The following GLI2 variants were observed in gnomAD, a reference collection of about 807,000 sequenced individuals.
GLI2 encodes transcription activator GLI2.
Under a neutral mutation model 78.9 loss-of-function variants are expected in GLI2, and 22 were observed. The ratio of observed to expected loss-of-function variants is 0.28; its 90% CI spans 0.20 to 0.40. GLI2 has a LOEUF of 0.40. Among genes scored for constraint, GLI2 ranks in the 10% least tolerant of loss-of-function variants. GLI2 has a pLI of 1.00. For missense variants in GLI2, 2,097 were observed against 2,213.2 expected (o/e 0.95, Z 1.05); for synonymous variants, 974 against 963.7 (o/e 1.01, Z -0.20).
chr2:120,938,572 C>T (rs995570472), intron 3 of GLI2, among the ~76,000 whole-genome samples: 9 of 152,194 alleles, frequency 5.9e-5, no homozygotes, highest in Admixed American at 5.2e-4. Flanking sequence ...CAACTGAAAA[C>T]GGTGATTTCT....
intron 5 of GLI2, among the ~76,000 whole-genome samples, chr2:120,965,827 G>T (rs1681825038): frequency 6.6e-6 from 1 of 152,216 alleles, no homozygotes; most frequent in Admixed American, 6.5e-5. Flanking sequence ...TCTGTCCTCA[G>T]GCAGGTGACC....
intron 1 of GLI2, among the ~76,000 whole-genome samples, chr2:120,747,995 C>G (rs1367233082): frequency 6.6e-6 from 1 of 152,222 alleles, no homozygotes; most frequent in East Asian, 1.9e-4. Context: ...ATTAAGCTCA[C>G]GGCTGTAGGC....
chr2:120,744,590 G>T (rs1682644256), intron 1 of GLI2, among the ~76,000 whole-genome samples: 1 of 152,202 alleles, frequency 6.6e-6, no homozygotes, highest in South Asian at 2.1e-4. Flanking sequence ...CTGCTGTTCA[G>T]TGTGAATGAG....
intron 11 of GLI2, 35 bp from the exon 12 acceptor site, chr2:120,984,436 C>T (rs376606092): frequency 3.7e-6 from 6 of 1,611,358 alleles, no homozygotes; most frequent in Non-Finnish European, 5.1e-6. Flanking sequence ...ATCCTCGTAC[C>T]CCTATCCATG....
chr2:120,900,712 C>T (rs1678209944), intron 2 of GLI2, among the ~76,000 whole-genome samples: 1 of 152,174 alleles, frequency 6.6e-6, no homozygotes, highest in Non-Finnish European at 1.5e-5. Flanking sequence ...GTAAAATAGA[C>T]AAGGGATGTG....
At chr2:120,970,947 G>A (rs1044310793) in intron 7 of GLI2, among the ~76,000 whole-genome samples, 6 of 152,330 alleles carry the variant, frequency 3.9e-5, no homozygotes, top group Middle Eastern at 3.4e-3. Flanking sequence ...CAGTTTCGTT[G>A]TAGAATGTGC....
intron 2 of GLI2, among the ~76,000 whole-genome samples, chr2:120,868,272 A>G (rs1688250793): frequency 6.6e-6 from 1 of 151,372 alleles, no homozygotes. Context: ...CCGGGGGACC[A>G]TGCTGTTTTC....
At chr2:120,942,981 C>G (rs1434650598) in intron 3 of GLI2, among the ~76,000 whole-genome samples, 2 of 151,532 alleles carry the variant, frequency 1.3e-5, no homozygotes, top group Non-Finnish European at 2.9e-5. Flanking sequence ...CTCACTCACT[C>G]ATTCATTCAT....
intron 1 of GLI2, among the ~76,000 whole-genome samples, chr2:120,777,511 G>A (rs1683716970): frequency 6.6e-6 from 1 of 151,852 alleles, no homozygotes; most frequent in Non-Finnish European, 1.5e-5. Context: ...GGGGAGGAGC[G>A]CGGCAGGGAG....
intron 1 of GLI2, among the ~76,000 whole-genome samples, chr2:120,781,649 G>C (rs1267163862): frequency 2.0e-5 from 3 of 152,206 alleles, no homozygotes; most frequent in Non-Finnish European, 4.4e-5. Context: ...TTGGGAGGCC[G>C]AGGCGGGTGG....
At chr2:120,896,939 G>A (rs1450498004) in intron 2 of GLI2, among the ~76,000 whole-genome samples, 2 of 152,220 alleles carry the variant, frequency 1.3e-5, no homozygotes, top group African/African-American at 4.8e-5. Context: ...AGAAAAAAAG[G>A]GGATCATGAA....
chr2:120,773,125 A>G (rs1313284291), intron 1 of GLI2, among the ~76,000 whole-genome samples: 2 of 152,154 alleles, frequency 1.3e-5, no homozygotes, highest in Admixed American at 1.3e-4. Context: ...GTGACAAACA[A>G]CTTTGTGGTG....
At chr2:120,874,842 GTGCCTGGGAAC>G (rs1232329933) in intron 2 of GLI2, among the ~76,000 whole-genome samples, 1 of 152,216 alleles carries the variant, frequency 6.6e-6, no homozygotes, top group Non-Finnish European at 1.5e-5. Flanking sequence ...AGGGTACTCG[GTGCCTGGGAAC>G]CTCAGCTCAG....
intron 3 of GLI2, among the ~76,000 whole-genome samples, chr2:120,943,494 C>T (rs1483517829): frequency 6.6e-6 from 1 of 152,196 alleles, no homozygotes; most frequent in African/African-American, 2.4e-5. Context: ...GATTTGTAGG[C>T]TCATATCCCC....
At chr2:120,888,259 G>GC (rs1677510827) in intron 2 of GLI2, among the ~76,000 whole-genome samples, 1 of 152,374 alleles carries the variant, frequency 6.6e-6, no homozygotes, top group Admixed American at 6.5e-5. Flanking sequence ...TTGCCAAAAT[G>GC]CCCTGCAGTT....
chr2:120,747,448 C>T (rs1480062630), intron 1 of GLI2, among the ~76,000 whole-genome samples: 1 of 152,192 alleles, frequency 6.6e-6, no homozygotes, highest in African/African-American at 2.4e-5. Flanking sequence ...CCAGGACCCT[C>T]TCCCAGAGTT....
intron 5 of GLI2, among the ~76,000 whole-genome samples, 200 bp from the exon 6 acceptor site, chr2:120,968,514 C>T (rs895299329): frequency 6.6e-6 from 1 of 152,204 alleles, no homozygotes; most frequent in African/African-American, 2.4e-5. Context: ...CCACACCCTG[C>T]GCTGCTCAGT....
At chr2:120,988,060 G>A in intron 13 of GLI2, 148 bp from the exon 14 acceptor site, 1 of 670,180 alleles carries the variant, frequency 1.5e-6, no homozygotes. Flanking sequence ...TCTAAAAAGA[G>A]AAAGAGAGAA....
rs985150120 is a variant in GLI2 at position 120,991,554 on chromosome 2, C to T, written c.*879C>T. On this transcript the variant is annotated 3_prime_UTR_variant, in exon 14 of 14. Transcript: ENST00000361492. ...GTGGGTTAGGGATGGACTGAGGCCT[C>T]GAGGAGTGAGGGTGCACCCGGGGCC... 9.8e-5 allele frequency: 15 copies of T among 152,728 alleles called. No homozygotes were observed. Among genetic ancestry groups the T allele is most frequent in the Admixed American group, 9.2e-4 (14 of 15,298 alleles). The allele number at this position is 152,728 out of a possible 1,614,324, so 9.5% of individuals were successfully genotyped here.
Sources: allele counts gnomAD v4.1 joint callset (sites outside exome capture counted in the v4.1 genomes callset), GRCh38; gene constraint gnomAD v4.1.1; transcripts MANE v1.5; gene names NCBI Gene and HGNC (gene_info 2026-07-23, HGNC 2026-07-21).